DMXL2: variants seen among roughly 807,000 people sequenced by gnomAD.
The protein encoded by DMXL2 is dmX-like protein 2.
Under a neutral mutation model 331.1 loss-of-function variants are expected in DMXL2, and 103 were observed. The ratio of observed to expected loss-of-function variants is 0.31; its 90% CI spans 0.27 to 0.37. The LOEUF (loss-of-function observed/expected upper bound fraction) is 0.37. Ranked by LOEUF, DMXL2 falls within the 10% of genes least tolerant of loss-of-function variation. DMXL2 has a pLI of 1.00. For missense variants in DMXL2, 3,171 were observed against 3,642.9 expected, an observed-to-expected ratio of 0.87 and a Z score of 3.33; for synonymous variants, 1,281 against 1,252.1, an observed-to-expected ratio of 1.02 and a Z score of -0.49.
At chr15:51,577,763 T>C (rs2051144417) in intron 1 of DMXL2, among the ~76,000 whole-genome samples, 1 of 152,208 alleles carries the variant, frequency 6.6e-6, no homozygotes, top group Non-Finnish European at 1.5e-5. Context: ...AGACTTTATC[T>C]AGTTTGAAAT....
Position 51,458,499 on chromosome 15 carries a change from G to A in DMXL2, c.8198+7C>T, listed in dbSNP as rs759865600. The stretch of plus-strand genomic sequence containing the variant: ...AAACTATATGTAAAAGTGACTATGA[G>A]ACAAACCTTTTGGATTCTCTGTCAT... On this transcript the variant is annotated splice_region_variant and intron_variant, in intron 36 of 43. Coordinates refer to ENST00000560891, the MANE Select transcript of DMXL2 (RefSeq NM_001378457.1). 1.2e-6 allele frequency: 2 copies of A among 1,612,824 alleles called. No individual in the cohort carries two copies. Among genetic ancestry groups the A allele is most frequent in the Non-Finnish European group, 1.7e-6 (2 of 1,179,546 alleles).
At position 51,499,516 on chromosome 15, in the gene DMXL2, T is replaced by C. The variant is rs2043432326; in HGVS notation, c.3708A>G (p.Ile1236Met). ...TACCATCAACAGAAGATACCAAGTC[T>C]ATAGATCTAAGAAGAACCCATCTTG... ...VKSRWVLLRS[I>M]DLVSSVDGTP... Residue 1236 changes from isoleucine to methionine, a missense_variant, in exon 18 of 44, where the codon ATA becomes ATG. By Grantham distance (10) the Ile-to-Met change is conservative. Coordinates refer to ENST00000560891, the MANE Select transcript of DMXL2 (RefSeq NM_001378457.1). 6.2e-7 allele frequency: 1 copy of C among 1,614,138 alleles called. No individual in the cohort carries two copies. Among genetic ancestry groups the C allele is most frequent in the Non-Finnish European group, 8.5e-7 (1 of 1,180,012 alleles).
At chr15:51,504,601 C>G (rs982354217) in intron 16 of DMXL2, among the ~76,000 whole-genome samples, 2 of 152,160 alleles carry the variant, frequency 1.3e-5, no homozygotes, top group Non-Finnish European at 2.9e-5. Context: ...CAAAGAGCAC[C>G]AGAATATTCA....
intron 17 of DMXL2, among the ~76,000 whole-genome samples, chr15:51,502,363 C>T (rs1464883045): frequency 6.8e-6 from 1 of 147,148 alleles, no homozygotes; most frequent in Non-Finnish European, 1.5e-5. Flanking sequence ...GTGTCGCCCG[C>T]CCAGGCTGGA....
At position 51,453,594 on chromosome 15, in the gene DMXL2, G is replaced by A. The variant is rs372234458; in HGVS notation, c.8652C>T (p.Thr2884=). The part of the protein sequence containing the change: ...SKATSDFAFI[T]SSSLVATSGH... Reference sequence around the variant, plus strand: ...CAGATGTGGCAACTAGACTTGAAGAGGTAATAAATGCAAAGTCACTTGTGG... The same window carrying A: ...CAGATGTGGCAACTAGACTTGAAGAAGTAATAAATGCAAAGTCACTTGTGG... Residue 2884 remains threonine, a synonymous_variant, in exon 41 of 44, where the codon ACC becomes ACT. Coordinates refer to ENST00000560891, the MANE Select transcript of DMXL2 (RefSeq NM_001378457.1). The A allele has an allele frequency of 4.3e-6, 7 of 1,613,438 alleles. No homozygotes were observed. The highest frequency in any genetic ancestry group is 2.2e-5 in the East Asian group (1 of 44,818).
chr15:51,448,864 A>G lies in DMXL2; in HGVS notation c.*120T>C. The stretch of plus-strand genomic sequence containing the variant: ...TTAGATAATACTCAGCTTGGGTCAT[A>G]TTCAAATTCTACACAGAGATTCTCT... On this transcript the variant is annotated 3_prime_UTR_variant, in exon 44 of 44. Coordinates refer to ENST00000560891, the MANE Select transcript of DMXL2 (RefSeq NM_001378457.1). 2 of 1,020,794 alleles carry G rather than the reference A, an allele frequency of 2.0e-6. No individual in the cohort carries two copies. The highest frequency in any genetic ancestry group is 2.9e-6 in the Non-Finnish European group (2 of 693,402). The allele number at this position is 1,020,794 out of a possible 1,614,324, so 63.2% of individuals were successfully genotyped here.
intron 1 of DMXL2, among the ~76,000 whole-genome samples, chr15:51,608,086 G>A (rs1440548977): frequency 2.0e-5 from 3 of 152,014 alleles, no homozygotes; most frequent in African/African-American, 4.8e-5. Flanking sequence ...TTGGGAGGCT[G>A]AGGCAGGAGA....
intron 6 of DMXL2, among the ~76,000 whole-genome samples, chr15:51,561,041 T>C (rs1296959748): frequency 2.0e-5 from 3 of 151,914 alleles, no homozygotes; most frequent in Admixed American, 2.0e-4. Flanking sequence ...AAAAATTTAA[T>C]AGCAGAAAAA....
At chr15:51,622,398 G>T in intron 1 of DMXL2, 61 bp downstream of exon 1, 1 of 1,547,040 alleles carries the variant, frequency 6.5e-7, no homozygotes. Flanking sequence ...CTGGACAGGA[G>T]GTCCCTGCCC....
chr15:51,611,988 T>C (rs1440281577), intron 1 of DMXL2, among the ~76,000 whole-genome samples: 2 of 152,216 alleles, frequency 1.3e-5, no homozygotes. Context: ...GGAAGCTTTG[T>C]CCTTTTGCTT....
chr15:51,582,822 C>A (rs28410165), intron 1 of DMXL2, among the ~76,000 whole-genome samples: 72,550 of 151,772 alleles, frequency 0.48, 17,714 homozygotes, highest in Non-Finnish European at 0.52. Context: ...TAGAGGAAAT[C>A]ACACATATAT....
chr15:51,519,409 C>T (rs1408108420), intron 13 of DMXL2, among the ~76,000 whole-genome samples: 1 of 152,118 alleles, frequency 6.6e-6, no homozygotes, highest in Admixed American at 6.5e-5. Flanking sequence ...TAAACCACCA[C>T]ACCTGGCTGT....
At chr15:51,483,627 C>T (rs181703942) in intron 23 of DMXL2, among the ~76,000 whole-genome samples, 102 of 152,070 alleles carry the variant, frequency 6.7e-4, no homozygotes, top group African/African-American at 2.4e-3. Flanking sequence ...CATGCCCACA[C>T]TCAGGACCTC....
intron 1 of DMXL2, among the ~76,000 whole-genome samples, chr15:51,600,889 A>G (rs957763519): frequency 1.3e-5 from 2 of 152,202 alleles, no homozygotes; most frequent in Admixed American, 1.3e-4. Context: ...ATATGGTCAT[A>G]TCCCAGCTCC....
intron 33 of DMXL2, chr15:51,463,151 C>T (rs1442266357): frequency 6.0e-6 from 2 of 332,470 alleles, no homozygotes; most frequent in Non-Finnish European, 1.1e-5. Context: ...TGTAAAGTAC[C>T]AACTTTCACT....
At chr15:51,562,448 G>A (rs1322091320) in intron 6 of DMXL2, among the ~76,000 whole-genome samples, 1 of 152,112 alleles carries the variant, frequency 6.6e-6, no homozygotes, top group Non-Finnish European at 1.5e-5. Context: ...CTAAGAAACA[G>A]AAAATTTAAC....
intron 2 of DMXL2, among the ~76,000 whole-genome samples, chr15:51,573,734 C>A (rs1464288277): frequency 6.6e-6 from 1 of 151,974 alleles, no homozygotes; most frequent in African/African-American, 2.4e-5. Flanking sequence ...AGGAGAAATA[C>A]CTAATGTAGA....
chr15:51,619,155 T>A (rs923806617), intron 1 of DMXL2, among the ~76,000 whole-genome samples: 2 of 152,200 alleles, frequency 1.3e-5, no homozygotes, highest in Non-Finnish European at 2.9e-5. Context: ...ATCTGTTGCA[T>A]AAACCCTCAA....
At chr15:51,586,712 G>T (rs774087532) in intron 1 of DMXL2, among the ~76,000 whole-genome samples, 3 of 151,978 alleles carry the variant, frequency 2.0e-5, no homozygotes, top group African/African-American at 4.8e-5. Flanking sequence ...TGATAAAGAA[G>T]AAAAACGTGT....
Sources: allele counts gnomAD v4.1 joint callset (sites outside exome capture counted in the v4.1 genomes callset), GRCh38; gene constraint gnomAD v4.1.1; transcripts MANE v1.5; gene names NCBI Gene and HGNC (gene_info 2026-07-23, HGNC 2026-07-21).